Variants in LCLAT1 observed in about 807,000 individuals in gnomAD.
LCLAT1 encodes the protein lysocardiolipin acyltransferase 1, also known as 1-AGP acyltransferase 8.
In LCLAT1, 11 loss-of-function variants were observed where a neutral mutation model predicts 30.7. The ratio of observed to expected loss-of-function variants is 0.36; its 90% confidence interval spans 0.23 to 0.59. The LOEUF (loss-of-function observed/expected upper bound fraction) is 0.59. Among genes scored for constraint, LCLAT1 ranks in the 20% least tolerant of loss-of-function variants. The pLI, the probability that LCLAT1 is intolerant of heterozygous loss-of-function variation, is 0.77. For missense variants in LCLAT1, 402 were observed against 458.6 expected (o/e 0.88, Z 1.13); for synonymous variants, 155 against 151.3 (o/e 1.02, Z -0.18).
intron 3 of LCLAT1, among the ~76,000 whole-genome samples, chr2:30,560,000 C>T (rs760806440): frequency 1.7e-4 from 26 of 152,114 alleles, no homozygotes; most frequent in Non-Finnish European, 4.4e-5. Flanking sequence ...ATATTTGAGT[C>T]TGAAGGGTGA....
chr2:30,609,436 A>G (rs1667625040), intron 5 of LCLAT1, among the ~76,000 whole-genome samples: 1 of 152,036 alleles, frequency 6.6e-6, no homozygotes, highest in Non-Finnish European at 1.5e-5. Context: ...TTTTTCTCCA[A>G]CAGTGTGTAC....
intron 3 of LCLAT1, among the ~76,000 whole-genome samples, chr2:30,558,610 A>G (rs1295756721): frequency 1.3e-5 from 2 of 152,010 alleles, no homozygotes; most frequent in Non-Finnish European, 2.9e-5. Context: ...AAAAAAAAAA[A>G]AAAAAAAAGG....
intron 1 of LCLAT1, among the ~76,000 whole-genome samples, chr2:30,455,813 G>A (rs1288989817): frequency 2.0e-5 from 3 of 151,416 alleles, no homozygotes; most frequent in East Asian, 1.9e-4. Flanking sequence ...GGGAGGCTGC[G>A]GCAGGAGGAT....
At chr2:30,497,392 A>G (rs1684170990) in intron 1 of LCLAT1, among the ~76,000 whole-genome samples, 1 of 152,214 alleles carries the variant, frequency 6.6e-6, no homozygotes, top group Non-Finnish European at 1.5e-5. Context: ...GATTCTAGGT[A>G]TAATCAAGGA....
chr2:30,521,478 C>T (rs906042968), intron 1 of LCLAT1, among the ~76,000 whole-genome samples: 1 of 134,874 alleles, frequency 7.4e-6, no homozygotes, highest in Non-Finnish European at 1.6e-5. Context: ...CCTCAACCCC[C>T]TAAACTACTT....
chr2:30,599,002 T>TTTG lies in LCLAT1; in HGVS notation c.628+30826_628+30827insTTG, dbSNP rs767758944. ...TTTTTCTTTTCTTTTTTGTTTGAGA[T>TTTG]AGATAGAGTCTCACTCTGGGTCCAG... On this transcript the variant is annotated intron_variant, in intron 5 of 5. Transcript: ENST00000379509. Among the ~76,000 whole-genome samples, 8 of 113,194 alleles carry TTTG rather than the reference T, an allele frequency of 7.1e-5. No homozygotes were observed. In the South Asian group the frequency reaches 1.1e-3, roughly 15 times the overall value. 74.3% of individuals were successfully genotyped at this position (113,194 alleles called of 152,430 possible).
intron 1 of LCLAT1, among the ~76,000 whole-genome samples, chr2:30,506,619 T>G (rs2148351124): frequency 6.6e-6 from 1 of 152,290 alleles, no homozygotes; most frequent in South Asian, 2.1e-4. Context: ...AATTTAGCTA[T>G]GAGCCTTTGA....
At chr2:30,639,861 AT>A (rs1669212273) in intron 5 of LCLAT1, among the ~76,000 whole-genome samples, 2 of 152,208 alleles carry the variant, frequency 1.3e-5, no homozygotes, top group Non-Finnish European at 2.9e-5. Flanking sequence ...AGAATGGCAG[AT>A]TACTGTTTCT....
intron 4 of LCLAT1, among the ~76,000 whole-genome samples, chr2:30,567,857 A>C (rs1014660757): frequency 2.0e-5 from 3 of 152,188 alleles, no homozygotes; most frequent in African/African-American, 7.2e-5. Flanking sequence ...CAAATAGCCA[A>C]ACCTGGGTCT....
chr2:30,551,360 T>G lies in LCLAT1; in HGVS notation c.365-10786T>G, dbSNP rs571452151. 3.2e-4 allele frequency among the ~76,000 whole-genome samples: 49 copies of G among 152,328 alleles called. 1 individual carries two copies. Among genetic ancestry groups the G allele is most frequent in the African/African-American group, 1.2e-3 (49 of 41,574 alleles). On this transcript the variant is annotated intron_variant, in intron 3 of 5. Transcript: ENST00000379509. ...TCCTTTTGACATACTACCATCTTTTTTCTTTTAACCACTTATTTTTTTGGC... is the reference window on the plus strand; with the variant it reads ...TCCTTTTGACATACTACCATCTTTTGTCTTTTAACCACTTATTTTTTTGGC...
intron 5 of LCLAT1, among the ~76,000 whole-genome samples, chr2:30,594,179 G>A (rs1666817836): frequency 1.3e-5 from 2 of 151,784 alleles, no homozygotes; most frequent in Non-Finnish European, 2.9e-5. Flanking sequence ...GTTATTTTTA[G>A]TCTATATGTT....
At chr2:30,566,486 C>T (rs2148447097) in intron 4 of LCLAT1, among the ~76,000 whole-genome samples, 1 of 152,172 alleles carries the variant, frequency 6.6e-6, no homozygotes, top group South Asian at 2.1e-4. Context: ...CGGCTCAATT[C>T]CTTTATCATA....
At chr2:30,566,043 G>A (rs1184775000) in intron 4 of LCLAT1, among the ~76,000 whole-genome samples, 1 of 152,132 alleles carries the variant, frequency 6.6e-6, no homozygotes, top group African/African-American at 2.4e-5. Context: ...AGAATTACAG[G>A]GAGTAACGTG....
chr2:30,605,876 CTG>C (rs996007192), intron 5 of LCLAT1: 27 of 414,296 alleles, frequency 6.5e-5, no homozygotes, highest in Middle Eastern at 9.9e-4. Context: ...CGGAATGAAA[CTG>C]TTCCACCTCA....
chr2:30,468,299 G>A (rs1338509474), intron 1 of LCLAT1, among the ~76,000 whole-genome samples: 1 of 152,048 alleles, frequency 6.6e-6, no homozygotes, highest in Admixed American at 6.5e-5. Context: ...TGTTCCATTG[G>A]TCTCTCTCTC....
At position 30,562,146 on chromosome 2, in the gene LCLAT1, G is replaced by T. The variant is rs1665256455; in HGVS notation, c.365G>T (p.Gly122Val). The T allele has an allele frequency of 6.2e-7, 1 of 1,601,884 alleles. No homozygotes were observed. Among genetic ancestry groups the T allele is most frequent in the African/African-American group, 1.3e-5 (1 of 74,752 alleles). The change falls in exon 4 of 6, where the codon GGT (glycine) becomes GTT (valine). Residue 122 changes from glycine to valine, a missense_variant and splice_region_variant. By Grantham distance (109) the Gly-to-Val change is moderately radical. Coordinates refer to ENST00000379509, the MANE Select transcript of LCLAT1 (RefSeq NM_001002257.3). Reference protein sequence around the residue: ...KASLKGVPGFGWAMQAAAYIF... With the variant: ...KASLKGVPGFVWAMQAAAYIF... The stretch of plus-strand genomic sequence containing the variant: ...AATTTTATTGTTAAATTGATTCTAG[G>T]TTGGGCCATGCAGGCTGCTGCCTAT...
intron 3 of LCLAT1, among the ~76,000 whole-genome samples, chr2:30,554,032 T>C (rs1370534221): frequency 6.6e-6 from 1 of 152,142 alleles, no homozygotes; most frequent in Non-Finnish European, 1.5e-5. Context: ...CAGGTATTCC[T>C]GTGATTTTTT....
At chr2:30,493,695 A>G (rs1683953834) in intron 1 of LCLAT1, among the ~76,000 whole-genome samples, 1 of 152,202 alleles carries the variant, frequency 6.6e-6, no homozygotes, top group Non-Finnish European at 1.5e-5. Flanking sequence ...CCTAACCCCT[A>G]GCAACCACTG....
intron 5 of LCLAT1, among the ~76,000 whole-genome samples, chr2:30,614,730 C>T (rs935023094): frequency 2.0e-5 from 3 of 152,006 alleles, no homozygotes; most frequent in African/African-American, 7.2e-5. Flanking sequence ...TAGGCATGAC[C>T]ACATATGATA....
Sources: allele counts gnomAD v4.1 joint callset (sites outside exome capture counted in the v4.1 genomes callset), GRCh38; gene constraint gnomAD v4.1.1; transcripts MANE v1.5; gene names NCBI Gene and HGNC (gene_info 2026-07-23, HGNC 2026-07-21).